Variants in ERCC4 observed in about 807,000 individuals in gnomAD.
ERCC4 encodes DNA repair endonuclease XPF.
ERCC4 carries 65 observed loss-of-function variants against 76.9 expected under a neutral mutation model. The observed-to-expected ratio is 0.84, with a 90% CI of 0.69 to 1.04. The LOEUF (loss-of-function observed/expected upper bound fraction) is 1.04. ERCC4 is among the 50% of genes least tolerant of loss of function. ERCC4 has a pLI of 0.00. For synonymous variants in ERCC4, 463 were observed against 410.1 expected (o/e 1.13, Z -1.56); for missense variants, 1,214 against 1,128.2 (o/e 1.08, Z -1.09).
chr16:13,947,496 A>G, intron 10 of ERCC4, 118 bp from the exon 11 acceptor site: 3 of 1,047,550 alleles, frequency 2.9e-6, no homozygotes, highest in Non-Finnish European at 3.0e-6. Context: ...GAATATTACC[A>G]TATAGAATTA....
intron 1 of ERCC4, among the ~76,000 whole-genome samples, chr16:13,921,487 A>G (rs757894310): frequency 1.3e-5 from 2 of 152,198 alleles, no homozygotes; most frequent in Admixed American, 6.5e-5. Flanking sequence ...TGATTCATCT[A>G]GGTATCCCCA....
intron 9 of ERCC4, among the ~76,000 whole-genome samples, chr16:13,944,520 G>A (rs745942981): frequency 2.0e-5 from 3 of 151,866 alleles, no homozygotes; most frequent in African/African-American, 4.8e-5. Context: ...ATCCGACCAA[G>A]GCACTTTTTA....
intron 9 of ERCC4, among the ~76,000 whole-genome samples, chr16:13,940,158 G>A (rs1054562692): frequency 3.3e-5 from 5 of 152,222 alleles, no homozygotes; most frequent in Middle Eastern, 3.4e-3. Flanking sequence ...AGGCCAAGGC[G>A]GGCAGATCAC....
In ERCC4 at chr16:13,949,667, C is replaced by T. The variant is rs2032593939; in HGVS notation, c.*1320C>T. On this transcript the variant is annotated 3_prime_UTR_variant, in exon 11 of 11. Transcript: ENST00000311895. ...AATCCATAAAGAAAAAAATCTCATT[C>T]TAAACCTGATTAAGTTGGCTTTTTA... is the stretch of plus-strand genomic sequence containing the variant. The T allele has an allele frequency of 4.3e-6, 1 of 232,646 alleles. No homozygotes were observed. Among genetic ancestry groups the T allele is most frequent in the Admixed American group, 5.6e-5 (1 of 17,746 alleles). The allele number at this position is 232,646 out of a possible 1,614,324, so 14.4% of individuals were successfully genotyped here. A position where few individuals can be genotyped will look rare whatever the true frequency, so the allele number is the denominator to read the frequency against.
At chr16:13,932,054 A>G in intron 5 of ERCC4, 103 bp from the exon 6 acceptor site, 1 of 974,166 alleles carries the variant, frequency 1.0e-6, no homozygotes, top group Non-Finnish European at 1.6e-6. Context: ...TGGTAGGAAG[A>G]CAGGATGACA....
rs1309508247 is a variant in ERCC4, at chr16:13,947,794, T to G, written c.2198T>G (p.Ile733Ser). ...CVERKSISDL[I>S]GSLNNGRLYS... ...GAGCGCAAGAGTATCAGTGATTTAATCGGCTCTTTAAATAACGGCCGCCTC... is the reference window on the plus strand; with the variant it reads ...GAGCGCAAGAGTATCAGTGATTTAAGCGGCTCTTTAAATAACGGCCGCCTC... The change falls in exon 11 of 11, where the codon ATC becomes AGC. Residue 733 changes from isoleucine to serine, a missense_variant. By Grantham distance (142) the Ile-to-Ser change is moderately radical. Transcript: ENST00000311895. The G allele has an allele frequency of 6.2e-7, 1 of 1,614,262 alleles. No individual in the cohort carries two copies. The highest frequency in any genetic ancestry group is 1.1e-5 in the South Asian group (1 of 91,088).
chr16:13,947,978 C>G lies in ERCC4; in HGVS notation c.2382C>G (p.His794Gln). The change falls in exon 11 of 11, where the codon CAC becomes CAG. Residue 794 changes from histidine to glutamine, a missense_variant. By Grantham distance (24) the His-to-Gln change is conservative (BLOSUM62 0). Coordinates refer to ENST00000311895, the MANE Select transcript of ERCC4 (RefSeq NM_005236.3). ...CCAAACTCACTCTTCTTACACTTCA[C>G]TTCCCCAGACTACGGATTCTCTGGT... ...ISSKLTLLTL[H>Q]FPRLRILWCP... The G allele has an allele frequency of 6.2e-7, 1 of 1,614,202 alleles. No homozygotes were observed.
chr16:13,920,620 A>G (rs544089060), intron 1 of ERCC4, among the ~76,000 whole-genome samples: 1 of 151,976 alleles, frequency 6.6e-6, no homozygotes, highest in Non-Finnish European at 1.5e-5. Flanking sequence ...GGGGACACTG[A>G]TAAGAATTGG....
Position 13,948,317 on chromosome 16 carries a change from A to G in ERCC4, c.2721A>G (p.Glu907=), listed in dbSNP as rs767034692. 1.2e-6 allele frequency: 2 copies of G among 1,613,184 alleles called. No individual in the cohort carries two copies. Among genetic ancestry groups the G allele is most frequent in the South Asian group, 1.1e-5 (1 of 91,080 alleles). The stretch of plus-strand genomic sequence containing the variant: ...ATTTCATTCACACCTCTTTTGCAGA[A>G]GTCGTATCAAAAGGAAAAGGGAAAA... ...LYDFIHTSFA[E]VVSKGKGKK The change falls in exon 11 of 11, where the codon GAA becomes GAG. Residue 907 remains glutamate (E), a synonymous_variant. Coordinates refer to ENST00000311895, the MANE Select transcript of ERCC4 (RefSeq NM_005236.3).
At chr16:13,934,075 G>C (rs2032234975) in intron 6 of ERCC4, 117 bp from the exon 7 acceptor site, 1 of 649,380 alleles carries the variant, frequency 1.5e-6, no homozygotes, top group Non-Finnish European at 2.7e-6. Flanking sequence ...TATAAAGAAA[G>C]CTTAAATAAA....
chr16:13,933,045 C>CAAAAAAAAAAAAAAAAAAAAGAAAA, intron 6 of ERCC4: 1 of 199,664 alleles, frequency 5.0e-6, no homozygotes, highest in Non-Finnish European at 9.1e-6. Flanking sequence ...GACTCGGTCT[C>CAAAAAAAAAAAAAAAAAAAAGAAAA]AAAAAAAAAA....
chr16:13,925,732 C>T (rs538600933), intron 2 of ERCC4, among the ~76,000 whole-genome samples: 67 of 152,214 alleles, frequency 4.4e-4, no homozygotes, highest in Middle Eastern at 3.4e-3. Context: ...AAGACAGACT[C>T]GTCTTGGAGT....
At position 13,935,281 on chromosome 16, in the gene ERCC4, G is replaced by A. The variant is rs2141607032; in HGVS notation, c.1349G>A (p.Trp450Ter). Residue 450 changes from tryptophan (W) to a stop codon, truncating the protein, a stop_gained, in exon 8 of 11, where the codon TGG becomes TAG. Transcript: ENST00000311895. LOFTEE classifies it high-confidence loss of function. Reference sequence around the variant, plus strand: ...AAGGATAGCAAAGCTGAAGAAGTCTGGATGAAATTTAGGAAGGAAGACAGT... The same window carrying A: ...AAGGATAGCAAAGCTGAAGAAGTCTAGATGAAATTTAGGAAGGAAGACAGT... ...FEKDSKAEEVWMKFRKEDSSK... is the reference protein window; with the variant it reads ...FEKDSKAEEV 6.2e-7 allele frequency: 1 copy of A among 1,613,994 alleles called. No individual in the cohort carries two copies. Among genetic ancestry groups the A allele is most frequent in the Non-Finnish European group, 8.5e-7 (1 of 1,180,006 alleles).
intron 4 of ERCC4, among the ~76,000 whole-genome samples, chr16:13,929,270 G>C (rs995184765): frequency 6.6e-6 from 1 of 152,084 alleles, no homozygotes; most frequent in Non-Finnish European, 1.5e-5. Context: ...CATGTGTCTT[G>C]TTAAAATGTT....
chr16:13,944,514 G>A (rs951540102), intron 9 of ERCC4, among the ~76,000 whole-genome samples: 2 of 151,960 alleles, frequency 1.3e-5, no homozygotes, highest in African/African-American at 4.8e-5. Flanking sequence ...AGTAGTATCC[G>A]ACCAAGGCAC....
chr16:13,934,170 A>G, intron 6 of ERCC4, 22 bp from the exon 7 acceptor site: 1 of 1,434,654 alleles, frequency 7.0e-7, no homozygotes, highest in Non-Finnish European at 9.8e-7. Context: ...ACATAGAATG[A>G]GATATTTTTA....
chr16:13,940,330 G>A (rs990084325), intron 9 of ERCC4, among the ~76,000 whole-genome samples: 1 of 151,896 alleles, frequency 6.6e-6, no homozygotes, highest in African/African-American at 2.4e-5. Context: ...GGAGGTTGCA[G>A]TGAGCTTAGA....
chr16:13,928,288 C>A (rs2032108530), intron 4 of ERCC4, 53 bp downstream of exon 4: 1 of 1,263,312 alleles, frequency 7.9e-7, no homozygotes, highest in Non-Finnish European at 1.2e-6. Context: ...TTAAAGAATG[C>A]AAGTTATTTT....
Position 13,949,618 on chromosome 16 carries a change from A to G in ERCC4, c.*1271A>G. 1.3e-5 allele frequency: 3 copies of G among 232,878 alleles called. No homozygotes were observed. The highest frequency in any genetic ancestry group is 2.5e-5 in the Non-Finnish European group (3 of 117,832). The allele number at this position is 232,878 out of a possible 1,614,324, so 14.4% of individuals were successfully genotyped here. On this transcript the variant is annotated 3_prime_UTR_variant, in exon 11 of 11. Coordinates refer to ENST00000311895, the MANE Select transcript of ERCC4 (RefSeq NM_005236.3). ...ATCAATGTATGGAATATATAAAAAT[A>G]CGAAAGAAATATATACGTTTAAAAA...
Sources: gnomAD v4.1 joint callset for allele counts (sites outside exome capture counted in the v4.1 genomes callset) on GRCh38, gnomAD v4.1.1 for gene constraint, MANE v1.5 for transcripts, NCBI Gene and HGNC (gene_info 2026-07-23, HGNC 2026-07-21) for gene names.